The following PTPRU variants were observed in gnomAD, a reference collection of about 807,000 sequenced individuals.
PTPRU encodes protein tyrosine phosphatase receptor type U.
Under a neutral mutation model 166.3 loss-of-function variants are expected in PTPRU, and 69 were observed. The ratio of observed to expected loss-of-function variants is 0.41; its 90% CI spans 0.34 to 0.51. The LOEUF is 0.51. PTPRU is among the 20% of genes least tolerant of loss of function. PTPRU has a pLI of 0.09. For missense variants in PTPRU, 1,657 were observed against 2,013.7 expected (o/e 0.82, Z 3.39); for synonymous variants, 793 against 814.0 (o/e 0.97, Z 0.44).
chr1:29,293,866 A>C (rs1389118099), intron 15 of PTPRU, among the ~76,000 whole-genome samples: 1 of 152,244 alleles, frequency 6.6e-6, no homozygotes, highest in South Asian at 2.1e-4. Context: ...ATGAAATCAC[A>C]CACTACTTAA....
chr1:29,306,593 G>A (rs543419384), intron 18 of PTPRU, among the ~76,000 whole-genome samples: 2 of 152,218 alleles, frequency 1.3e-5, no homozygotes, highest in African/African-American at 4.8e-5. Flanking sequence ...GGCGGGCTTT[G>A]TGGAGGAAGC....
intron 12 of PTPRU, chr1:29,283,710 C>G: frequency 2.0e-5 from 11 of 539,646 alleles, no homozygotes. Flanking sequence ...ACGTTTGTTT[C>G]TCTTTTGCCT....
At chr1:29,263,011 A>C (rs182718522) in intron 7 of PTPRU, among the ~76,000 whole-genome samples, 1 of 152,188 alleles carries the variant, frequency 6.6e-6, no homozygotes, top group African/African-American at 2.4e-5. Context: ...ATTAAGACGG[A>C]GTTTCACTCT....
chr1:29,307,367 A>G (rs986022511), intron 18 of PTPRU, among the ~76,000 whole-genome samples: 8 of 152,110 alleles, frequency 5.3e-5, no homozygotes. Flanking sequence ...GTTCCCTCCC[A>G]TCCTCCACTG....
At chr1:29,259,699 T>G in intron 5 of PTPRU, 135 bp downstream of exon 5, 1 of 1,243,170 alleles carries the variant, frequency 8.0e-7, no homozygotes, top group East Asian at 2.6e-5. Context: ...GGCCCTCCCC[T>G]AGCTCTGCTC....
At chr1:29,305,321 C>A (rs771938372) in intron 17 of PTPRU, 31 bp from the exon 18 acceptor site, 2 of 1,609,096 alleles carry the variant, frequency 1.2e-6, no homozygotes, top group African/African-American at 2.7e-5. Context: ...CTCCCCAGTT[C>A]AGCCCCTGCC....
intron 15 of PTPRU, among the ~76,000 whole-genome samples, chr1:29,299,266 A>G (rs574962519): frequency 5.8e-4 from 89 of 152,266 alleles, no homozygotes; most frequent in Middle Eastern, 3.4e-3. Context: ...CTCACAGAAG[A>G]TGTTCCACAG....
chr1:29,287,485 C>A (rs960306972), intron 14 of PTPRU, among the ~76,000 whole-genome samples: 1 of 152,084 alleles, frequency 6.6e-6, no homozygotes, highest in Admixed American at 6.6e-5. Context: ...TCTCCCCACT[C>A]TGAGGTGTAG....
chr1:29,319,712 A>G (rs1233485649), intron 25 of PTPRU, among the ~76,000 whole-genome samples: 1 of 152,208 alleles, frequency 6.6e-6, no homozygotes, highest in Non-Finnish European at 1.5e-5. Flanking sequence ...GGGCAGATCA[A>G]TATTTGGTTA....
intron 13 of PTPRU, among the ~76,000 whole-genome samples, 161 bp downstream of exon 13, chr1:29,284,137 C>T (rs928522001): frequency 3.3e-5 from 5 of 152,112 alleles, no homozygotes; most frequent in African/African-American, 9.7e-5. Context: ...ATGTGCCCTA[C>T]CTCAAGGGCG....
chr1:29,273,206 G>A (rs1685646399), intron 7 of PTPRU, among the ~76,000 whole-genome samples: 1 of 152,238 alleles, frequency 6.6e-6, no homozygotes, highest in African/African-American at 2.4e-5. Flanking sequence ...CAATGCAGAT[G>A]CAGGACTAAG....
Position 29,275,459 on chromosome 1 carries a change from G to A in PTPRU, c.1156G>A (p.Ala386Thr), listed in dbSNP as rs767178701. 1 of 1,612,934 alleles carries A rather than the reference G, an allele frequency of 6.2e-7. No homozygotes were observed. The highest frequency in any genetic ancestry group is 8.5e-7 in the Non-Finnish European group (1 of 1,179,054). The change falls in exon 8 of 30, where the codon GCC becomes ACC. Residue 386 changes from alanine to threonine, a missense_variant. This residue lies in a region of PTPRU where 1,190 missense variants were observed against 1,477.4 expected (regional missense o/e 0.81). Coordinates refer to ENST00000373779, the MANE Select transcript of PTPRU (RefSeq NM_133178.4). The part of the protein sequence containing the change: ...SRTKCAEPMR[A>T]PKGLAFAEIQ... ...CCTGCATTCTCCAGAGCCCATGAGG[G>A]CCCCCAAAGGCCTGGCTTTTGCTGA...
rs750607245 is a variant in PTPRU, at chr1:29,319,593, G to T, written c.3688-1092G>T. Among the ~76,000 whole-genome samples, 150 of 152,240 alleles carry T rather than the reference G, an allele frequency of 9.9e-4. 1 individual carries two copies. The highest frequency in any genetic ancestry group is 8.2e-4 in the Non-Finnish European group (56 of 68,048). On this transcript the variant is annotated intron_variant, in intron 25 of 29. Transcript: ENST00000373779. The stretch of plus-strand genomic sequence containing the variant: ...TGAGTTTTGGAATCTGGCTGGGCCT[G>T]GCCTTGAGGAGTTGTTAATCAGGAG...
chr1:29,241,986 G>A lies in PTPRU; in HGVS notation c.73+5269G>A, dbSNP rs549517989. Among the ~76,000 whole-genome samples, 3 of 151,166 alleles carry A rather than the reference G, an allele frequency of 2.0e-5. No individual in the cohort carries two copies. The South Asian group carries it at 6.3e-4, about 32-fold the overall frequency. The stretch of plus-strand genomic sequence containing the variant: ...GGCTCACTGCAACCTTTGCCTCCTG[G>A]GTTCAAGCGATTCTCCTGCCTCAGC... On this transcript the variant is annotated intron_variant, in intron 1 of 29. Transcript: ENST00000373779.
intron 15 of PTPRU, among the ~76,000 whole-genome samples, chr1:29,300,668 C>G (rs959871968): frequency 1.3e-5 from 2 of 152,202 alleles, no homozygotes; most frequent in African/African-American, 2.4e-5. Context: ...AACCAGTAAT[C>G]CAGCTAAAAT....
intron 1 of PTPRU, among the ~76,000 whole-genome samples, chr1:29,249,390 G>A (rs1273966484): frequency 2.6e-5 from 4 of 152,284 alleles, no homozygotes; most frequent in Non-Finnish European, 5.9e-5. Context: ...CCAGACTGGG[G>A]AGATTAGCTG....
Position 29,236,554 on chromosome 1 carries a change from G to C in PTPRU, c.-91G>C. ...CTCCGCGCCGCGCCGCTCCGCTCCG[G>C]CTCGGGCTCCGGCTCGCCTCGGGCT... On this transcript the variant is annotated 5_prime_UTR_variant, in exon 1 of 30. Transcript: ENST00000373779. This position sits in a 1 kb window ranked among gnomAD's most constrained non-coding sequence, Gnocchi z 4.6. 1 of 1,017,018 alleles carries C rather than the reference G, an allele frequency of 9.8e-7. No homozygotes were observed. Among genetic ancestry groups the C allele is most frequent in the Non-Finnish European group, 1.2e-6 (1 of 817,292 alleles). The allele number at this position is 1,017,018 out of a possible 1,614,324, so 63.0% of individuals were successfully genotyped here.
In PTPRU at chr1:29,291,236, C is replaced by A. The variant is rs1334986418; in HGVS notation, c.2319-633C>A. On this transcript the variant is annotated intron_variant, in intron 14 of 29. Transcript: ENST00000373779. The surrounding 1 kb of genome is among the most constrained non-coding windows in gnomAD (Gnocchi z 4.1). ...ACCTTCTGTGGGTCTCTTTACAAGT[C>A]TGTGGTGGTCTATGCTGGGACCATC... Among the ~76,000 whole-genome samples, 1 of 152,106 alleles carries A rather than the reference C, an allele frequency of 6.6e-6. No homozygotes were observed. Among genetic ancestry groups the A allele is most frequent in the Non-Finnish European group, 1.5e-5 (1 of 68,008 alleles).
intron 1 of PTPRU, among the ~76,000 whole-genome samples, chr1:29,243,349 C>A (rs1178768784): frequency 6.6e-6 from 1 of 152,246 alleles, no homozygotes; most frequent in Non-Finnish European, 1.5e-5. Context: ...TGAGGCCCTG[C>A]ATGACCAGCC....
Sources: gnomAD v4.1 joint callset for allele counts (sites outside exome capture counted in the v4.1 genomes callset) on GRCh38, gnomAD v4.1.1 for gene constraint, gnomAD v4.1.1 regional missense constraint, Gnocchi (gnomAD v3.1) non-coding constraint, MANE v1.5 for transcripts, NCBI Gene and HGNC (gene_info 2026-07-23, HGNC 2026-07-21) for gene names.